Variants in NSD1 observed in about 807,000 individuals in gnomAD.
NSD1 encodes nuclear receptor binding SET domain protein 1.
In NSD1, 26 loss-of-function variants were observed where a neutral mutation model predicts 242.7. The ratio of observed to expected loss-of-function variants is 0.11; its 90% CI spans 0.08 to 0.15. The LOEUF is 0.15. NSD1 is among the 10% of genes least tolerant of loss of function. The pLI, the probability that NSD1 is intolerant of heterozygous loss-of-function variation, is 1.00. For synonymous variants in NSD1, 1,106 were observed against 1,178.1 expected (o/e 0.94, Z 1.25); for missense variants, 2,495 against 3,272.8 (o/e 0.76, Z 5.80).
In NSD1 at chr5:177,256,931, A is replaced by G. The variant is rs1190239891; in HGVS notation, c.4766-20A>G. On this transcript the variant is annotated intron_variant, in intron 12 of 22. Transcript: ENST00000439151. ...TAGATTCTTGAATTCTTACTAATTT[A>G]TCTTCTTTTGGCTTCTCAGGAATCC... 1 of 1,603,682 alleles carries G rather than the reference A, an allele frequency of 6.2e-7. No homozygotes were observed. Among genetic ancestry groups the G allele is most frequent in the East Asian group, 2.2e-5 (1 of 44,844 alleles).
At chr5:177,146,620 C>T (rs1026908389) in intron 2 of NSD1, among the ~76,000 whole-genome samples, 3 of 152,130 alleles carry the variant, frequency 2.0e-5, no homozygotes, top group Non-Finnish European at 4.4e-5. Context: ...TGGATGTCCC[C>T]AGTTTTACTG....
At chr5:177,240,230 C>CTTTTG (rs536378672) in intron 8 of NSD1, among the ~76,000 whole-genome samples, 49 of 152,074 alleles carry the variant, frequency 3.2e-4, no homozygotes, top group African/African-American at 1.2e-3. Flanking sequence ...CGTCGTAGCC[C>CTTTTG]TTTTGTTTTG....
chr5:177,210,832 T>G lies in NSD1; in HGVS notation c.2433T>G (p.Ser811Arg). 1 of 1,614,210 alleles carries G rather than the reference T, an allele frequency of 6.2e-7. No homozygotes were observed. ...AEPPVINEEC[S>R]LKCCSSDTKG... is the part of the protein sequence containing the mutation. ...CCCCAGTTATAAATGAGGAGTGCAGTTTGAAATGCTGCTCTTCTGATACCA... is the reference window on the plus strand; with the variant it reads ...CCCCAGTTATAAATGAGGAGTGCAGGTTGAAATGCTGCTCTTCTGATACCA... Residue 811 changes from serine to arginine, a missense_variant, in exon 5 of 23, where the codon AGT (serine) becomes AGG (arginine). By Grantham distance (110) the Ser-to-Arg change is moderately radical. Transcript: ENST00000439151.
At chr5:177,291,069 C>T (rs1391411174) in intron 21 of NSD1, among the ~76,000 whole-genome samples, 1 of 152,104 alleles carries the variant, frequency 6.6e-6, no homozygotes, top group Non-Finnish European at 1.5e-5. Flanking sequence ...CTGGATGTTT[C>T]TGGGTTAAAA....
In NSD1 at chr5:177,210,273, G is replaced by A. The variant is rs751048159; in HGVS notation, c.1874G>A (p.Gly625Glu). ...TCAAAAGTGAAGCTCTGCTATATTG[G>A]AGCAGGTGATGAGGAAAAGCGAAGT... ...CGSKVKLCYI[G>E]AGDEEKRSDS... Residue 625 changes from glycine (G) to glutamate (E), a missense_variant, in exon 5 of 23, where the codon GGA becomes GAA. Coordinates refer to ENST00000439151, the MANE Select transcript of NSD1 (RefSeq NM_022455.5). 6.2e-7 allele frequency: 1 copy of A among 1,608,212 alleles called. No individual in the cohort carries two copies. The highest frequency in any genetic ancestry group is 8.5e-7 in the Non-Finnish European group (1 of 1,176,758).
intron 2 of NSD1, among the ~76,000 whole-genome samples, chr5:177,177,846 T>G (rs1760332946): frequency 6.6e-6 from 1 of 152,150 alleles, no homozygotes; most frequent in South Asian, 2.1e-4. Flanking sequence ...TTGTTTTTGG[T>G]TTTTGCTTAA....
chr5:177,285,194 C>T (rs1562297507), intron 20 of NSD1, among the ~76,000 whole-genome samples: 1 of 152,218 alleles, frequency 6.6e-6, no homozygotes, highest in South Asian at 2.1e-4. Flanking sequence ...TCTATAGCTT[C>T]AAGGTTTTGA....
intron 11 of NSD1, 84 bp from the exon 12 acceptor site, chr5:177,251,646 T>G: frequency 1.4e-6 from 2 of 1,441,724 alleles, no homozygotes; most frequent in Non-Finnish European, 1.9e-6. Context: ...TTTTAACCTT[T>G]GTTTACTTTA....
chr5:177,293,889 T>C lies in NSD1; in HGVS notation c.6521T>C (p.Phe2174Ser), dbSNP rs1760060815. Residue 2174 changes from phenylalanine to serine, a missense_variant, in exon 23 of 23, where the codon TTC becomes TCC. Coordinates refer to ENST00000439151, the MANE Select transcript of NSD1 (RefSeq NM_022455.5). ...ATCTGCGGGAAGGAAGCAGCCTCCTTCTGTGAGATGTGCCCCAGCTCCTTT... is the reference window on the plus strand; with the variant it reads ...ATCTGCGGGAAGGAAGCAGCCTCCTCCTGTGAGATGTGCCCCAGCTCCTTT... The part of the protein sequence containing the change: ...CDICGKEAAS[F>S]CEMCPSSFCK... The C allele has an allele frequency of 1.9e-6, 3 of 1,614,112 alleles. No individual in the cohort carries two copies. Among genetic ancestry groups the C allele is most frequent in the Non-Finnish European group, 2.5e-6 (3 of 1,180,016 alleles).
intron 13 of NSD1, among the ~76,000 whole-genome samples, chr5:177,259,016 G>A (rs1426219499): frequency 2.6e-5 from 4 of 151,918 alleles, no homozygotes; most frequent in African/African-American, 4.8e-5. Flanking sequence ...TATATTTTTA[G>A]TATAGACGGG....
intron 9 of NSD1, 88 bp downstream of exon 9, chr5:177,244,358 AG>A: frequency 4.3e-6 from 4 of 932,342 alleles, no homozygotes; most frequent in Non-Finnish European, 6.9e-6. Flanking sequence ...TACATGTGTA[AG>A]CCCGACCAGT....
intron 8 of NSD1, among the ~76,000 whole-genome samples, chr5:177,241,313 A>G (rs1050508440): frequency 2.6e-5 from 4 of 151,424 alleles, no homozygotes; most frequent in Non-Finnish European, 5.9e-5. Flanking sequence ...CCTGGCCAAC[A>G]TGGTGAAACC....
chr5:177,267,652 A>G lies in NSD1; in HGVS notation c.5237A>G (p.Asn1746Ser), dbSNP rs2149931179. 6.2e-7 allele frequency: 1 copy of G among 1,614,096 alleles called. No homozygotes were observed. Among genetic ancestry groups the G allele is most frequent in the Non-Finnish European group, 8.5e-7 (1 of 1,179,992 alleles). Residue 1746 changes from asparagine (N) to serine (S), a missense_variant, in exon 15 of 23, where the codon AAT becomes AGT. Asn to Ser is a conservative substitution (Grantham distance 46). Coordinates refer to ENST00000439151, the MANE Select transcript of NSD1 (RefSeq NM_022455.5). ...ATCCCTGAAGGAAACTGGTATTGCA[A>G]TGACTGTAAAGCAGGCAAAAAGCCA... is the stretch of plus-strand genomic sequence containing the variant. ...IDIPEGNWYC[N>S]DCKAGKKPHY...
At chr5:177,233,106 G>A (rs1445315924) in intron 5 of NSD1, among the ~76,000 whole-genome samples, 1 of 152,120 alleles carries the variant, frequency 6.6e-6, no homozygotes, top group Non-Finnish European at 1.5e-5. Context: ...AGATAGTCTC[G>A]CCCTGTTGTC....
chr5:177,241,314 T>G (rs1487954705), intron 8 of NSD1, among the ~76,000 whole-genome samples: 1 of 149,968 alleles, frequency 6.7e-6, no homozygotes, highest in Non-Finnish European at 1.5e-5. Context: ...CTGGCCAACA[T>G]GGTGAAACCC....
chr5:177,264,759 C>T (rs1160572370), intron 14 of NSD1: 23 of 730,916 alleles, frequency 3.1e-5, no homozygotes, highest in Non-Finnish European at 5.0e-5. Context: ...TCCTGTAATT[C>T]GCCAAAATGA....
intron 5 of NSD1, among the ~76,000 whole-genome samples, chr5:177,218,470 T>C (rs1375921382): frequency 1.3e-5 from 2 of 152,208 alleles, no homozygotes; most frequent in Non-Finnish European, 2.9e-5. Flanking sequence ...TTTGGGGTCC[T>C]TTATTCTGTT....
At chr5:177,204,567 G>T (rs1024069386) in intron 4 of NSD1, among the ~76,000 whole-genome samples, 1 of 152,172 alleles carries the variant, frequency 6.6e-6, no homozygotes, top group Non-Finnish European at 1.5e-5. Flanking sequence ...GGCCAGGTTG[G>T]TCTTGAACTC....
intron 4 of NSD1, among the ~76,000 whole-genome samples, chr5:177,209,122 C>G (rs1354139419): frequency 6.6e-6 from 1 of 152,110 alleles, no homozygotes; most frequent in Non-Finnish European, 1.5e-5. Context: ...ATCTTATTAG[C>G]AGAAGTATTT....
Sources: allele counts gnomAD v4.1 joint callset (sites outside exome capture counted in the v4.1 genomes callset), GRCh38; gene constraint gnomAD v4.1.1; transcripts MANE v1.5; gene names NCBI Gene and HGNC (gene_info 2026-07-23, HGNC 2026-07-21).